Variants in VTI1A observed in about 807,000 individuals in gnomAD.
VTI1A encodes the protein vesicle transport through interaction with t-SNAREs 1A, also known as vesicle transport through interaction with t-SNAREs homolog 1A.
Under a neutral mutation model 34.9 loss-of-function variants are expected in VTI1A, and 22 were observed. The observed-to-expected ratio is 0.63, with a 90% confidence interval of 0.45 to 0.90. The LOEUF is 0.90. Among genes scored for constraint, VTI1A ranks in the 40% least tolerant of loss-of-function variants. The pLI, the probability that VTI1A is intolerant of heterozygous loss-of-function variation, is 0.00. For synonymous variants in VTI1A, 87 were observed against 97.3 expected (o/e 0.89, Z 0.62); for missense variants, 268 against 275.6 (o/e 0.97, Z 0.20).
intron 5 of VTI1A, chr10:112,548,876 C>A: frequency 7.4e-7 from 1 of 1,360,432 alleles, no homozygotes. Context: ...TGATCAATCA[C>A]TTTTTAAAAA....
chr10:112,569,502 G>A (rs1378010856), intron 5 of VTI1A, among the ~76,000 whole-genome samples: 1 of 152,146 alleles, frequency 6.6e-6, no homozygotes, highest in Non-Finnish European at 1.5e-5. Context: ...AGTTGAATTG[G>A]AACATCTCTT....
At chr10:112,567,436 C>T (rs1412322388) in intron 5 of VTI1A, among the ~76,000 whole-genome samples, 1 of 152,134 alleles carries the variant, frequency 6.6e-6, no homozygotes, top group Non-Finnish European at 1.5e-5. Context: ...TATTATTGCT[C>T]ACATTTATAT....
At chr10:112,475,646 C>A (rs1048047045) in intron 3 of VTI1A, among the ~76,000 whole-genome samples, 16 of 151,960 alleles carry the variant, frequency 1.1e-4, no homozygotes, top group African/African-American at 3.9e-4. Context: ...GTTTATAATC[C>A]TTCTTAAATG....
At chr10:112,507,640 C>G (rs557362739) in intron 3 of VTI1A, among the ~76,000 whole-genome samples, 8 of 152,300 alleles carry the variant, frequency 5.3e-5, no homozygotes, top group African/African-American at 1.9e-4. Context: ...TGCAACCCTC[C>G]TTAAGAGAGC....
At chr10:112,470,300 A>G (rs1848032781) in intron 3 of VTI1A, among the ~76,000 whole-genome samples, 1 of 152,214 alleles carries the variant, frequency 6.6e-6, no homozygotes, top group Non-Finnish European at 1.5e-5. Flanking sequence ...AGTATGCTAA[A>G]ATGAATTGAC....
At chr10:112,542,651 A>G (rs934555072) in intron 5 of VTI1A, among the ~76,000 whole-genome samples, 1 of 152,186 alleles carries the variant, frequency 6.6e-6, no homozygotes, top group African/African-American at 2.4e-5. Context: ...AACATTTAAT[A>G]TGGGCCACAC....
intron 7 of VTI1A, among the ~76,000 whole-genome samples, chr10:112,764,283 C>A (rs186652869): frequency 1.3e-5 from 2 of 152,192 alleles, no homozygotes; most frequent in Admixed American, 1.3e-4. Context: ...CTTGATGTGT[C>A]GGTCATTGCA....
intron 5 of VTI1A, among the ~76,000 whole-genome samples, chr10:112,638,559 A>G (rs748827029): frequency 7.9e-5 from 12 of 152,250 alleles, no homozygotes; most frequent in Admixed American, 7.8e-4. Flanking sequence ...CCAAAGATCA[A>G]TTTTATTTTT....
the VTI1A span, among the ~76,000 whole-genome samples, chr10:112,835,033 GA>G: frequency 1.3e-5 from 2 of 150,204 alleles, no homozygotes; most frequent in African/African-American, 4.9e-5. Context: ...TAGCAAAAAA[GA>G]AAAAAAAATG....
chr10:112,707,350 T>C (rs780653198), intron 7 of VTI1A, among the ~76,000 whole-genome samples: 4 of 152,018 alleles, frequency 2.6e-5, no homozygotes, highest in Non-Finnish European at 4.4e-5. Context: ...TTTTTTTTTA[T>C]TGAAATGAAG....
chr10:112,835,220 C>T, the VTI1A span, among the ~76,000 whole-genome samples: 1 of 152,168 alleles, frequency 6.6e-6, no homozygotes, highest in Non-Finnish European at 1.5e-5. Flanking sequence ...GAGGCCAGAA[C>T]ACGGAGCCCC....
chr10:112,685,220 A>G (rs573012813), intron 7 of VTI1A, among the ~76,000 whole-genome samples: 10 of 152,290 alleles, frequency 6.6e-5, no homozygotes, highest in African/African-American at 2.4e-4. Flanking sequence ...TTTAAAAATC[A>G]TGTCTTGGAT....
At chr10:112,449,548 G>C (rs577828139) in intron 1 of VTI1A, 1 of 152,346 alleles carries the variant, frequency 6.6e-6, no homozygotes, top group African/African-American at 2.4e-5. Context: ...GAGGTCGGGA[G>C]TTTGAGACCA....
At chr10:112,516,352 T>C (rs1408024047) in intron 3 of VTI1A, among the ~76,000 whole-genome samples, 3 of 152,096 alleles carry the variant, frequency 2.0e-5, no homozygotes, top group African/African-American at 7.2e-5. Flanking sequence ...GGTATTGACT[T>C]ATAAAGTTGG....
chr10:112,479,399 G>A (rs369360456), intron 3 of VTI1A, among the ~76,000 whole-genome samples: 4 of 151,824 alleles, frequency 2.6e-5, no homozygotes, highest in Non-Finnish European at 4.4e-5. Flanking sequence ...TGCTTCTGCC[G>A]CAGCACAGGG....
intron 7 of VTI1A, among the ~76,000 whole-genome samples, chr10:112,710,450 G>A (rs985394422): frequency 3.9e-5 from 6 of 151,968 alleles, no homozygotes; most frequent in Admixed American, 6.6e-5. Flanking sequence ...CAAGTGATCC[G>A]CCCACCTTGG....
At chr10:112,638,099 A>G (rs1846428850) in intron 5 of VTI1A, among the ~76,000 whole-genome samples, 1 of 152,240 alleles carries the variant, frequency 6.6e-6, no homozygotes, top group Non-Finnish European at 1.5e-5. Flanking sequence ...CATTCGTAGC[A>G]ATCCTTGAGA....
In VTI1A at chr10:112,460,570, A is replaced by G. The variant is rs1367923521; in HGVS notation, c.141A>G (p.Glu47=). 2 of 1,609,350 alleles carry G rather than the reference A, an allele frequency of 1.2e-6. No individual in the cohort carries two copies. The highest frequency in any genetic ancestry group is 1.1e-5 in the South Asian group (1 of 89,812). The change falls in exon 2 of 8, where the codon GAA becomes GAG. Residue 47 remains glutamate (E), a synonymous_variant. Transcript: ENST00000393077. ...MVANVEKQLE[E]AKELLEQMDL... is the part of the protein sequence containing the mutation. ...CAAATGTGGAGAAACAGCTTGAAGA[A>G]GCGAAAGAACTGGTATGTACAGACA...
chr10:112,830,835 A>ATATATATATATAT, the VTI1A span, among the ~76,000 whole-genome samples: 6 of 45,756 alleles, frequency 1.3e-4, no homozygotes, highest in Non-Finnish European at 2.2e-4. Flanking sequence ...ATATATATAT[A>ATATATATATATAT]TATATATATA....
Sources: allele counts gnomAD v4.1 joint callset (sites outside exome capture counted in the v4.1 genomes callset), GRCh38; gene constraint gnomAD v4.1.1; transcripts MANE v1.5; gene names NCBI Gene and HGNC (gene_info 2026-07-23, HGNC 2026-07-21).